The following ALG8 variants were observed in gnomAD, a reference collection of about 807,000 sequenced individuals.
The protein encoded by ALG8 is ALG8 alpha-1,3-glucosyltransferase.
In ALG8, 48 loss-of-function variants were observed where a neutral mutation model predicts 70.2. The observed-to-expected ratio is 0.68, with a 90% confidence interval of 0.54 to 0.87. ALG8 has a LOEUF of 0.87. ALG8 is among the 40% of genes least tolerant of loss of function. ALG8 has a pLI of 0.00. For missense variants in ALG8, 572 were observed against 608.7 expected, an observed-to-expected ratio of 0.94 and a Z score of 0.64; for synonymous variants, 234 against 229.0, an observed-to-expected ratio of 1.02 and a Z score of -0.20.
chr11:78,125,611 CA>C (rs113215261), intron 2 of ALG8, among the ~76,000 whole-genome samples: 1,403 of 116,966 alleles, frequency 0.012, 15 homozygotes, highest in African/African-American at 0.029. Context: ...ACTAAAAATA[CA>C]AAAAAAAAAA....
chr11:78,117,871 A>G (rs7108563), intron 5 of ALG8, among the ~76,000 whole-genome samples: 33,007 of 151,680 alleles, frequency 0.22, 4,432 homozygotes, highest in African/African-American at 0.38. Flanking sequence ...TCAGGAGATC[A>G]AGACCATACT....
intron 3 of ALG8, among the ~76,000 whole-genome samples, chr11:78,122,718 A>T (rs1020299084): frequency 6.6e-6 from 1 of 152,126 alleles, no homozygotes; most frequent in Non-Finnish European, 1.5e-5. Context: ...TTGTGCTTGT[A>T]TACTCTTCCC....
chr11:78,110,478 C>T (rs1439668681), intron 8 of ALG8, among the ~76,000 whole-genome samples: 3 of 152,216 alleles, frequency 2.0e-5, no homozygotes, highest in Non-Finnish European at 2.9e-5. Flanking sequence ...AGGCCTGAGC[C>T]AACGTGCACA....
At position 78,109,499 on chromosome 11, in the gene ALG8, T is replaced by C; in HGVS notation, c.981A>G (p.Thr327=). The C allele has an allele frequency of 6.2e-7, 1 of 1,614,224 alleles. No individual in the cohort carries two copies. The highest frequency in any genetic ancestry group is 8.5e-7 in the Non-Finnish European group (1 of 1,180,022). ...CCAAGGGAGTCACTGAGGGAAGGAC[T>C]GTGTGTTGGAACTGCTGAACCAAAC... ...TSGLVQQFQH[T]VLPSVTPLAT... is the part of the protein sequence containing the mutation. The change falls in exon 9 of 13, where the codon ACA becomes ACG. Residue 327 remains threonine, a synonymous_variant. Transcript: ENST00000299626.
In ALG8 at chr11:78,113,920, A is replaced by G. The variant is rs747369737; in HGVS notation, c.743T>C (p.Val248Ala). ...GAAAGGACCCAATGAAAGAGCAGAA[A>G]CTAAGAAAACAACCAGTCCCAGGGA... is the stretch of plus-strand genomic sequence containing the variant. ...VISLGLVVFLVSALSLGPFLA... is the reference protein window; with the variant it reads ...VISLGLVVFLASALSLGPFLA... The change falls in exon 7 of 13, where the codon GTT becomes GCT. Residue 248 changes from valine (V) to alanine (A), a missense_variant. Physicochemically the swap from Val to Ala is moderately conservative, Grantham distance 64. Coordinates refer to ENST00000299626, the MANE Select transcript of ALG8 (RefSeq NM_024079.5). 4 of 1,606,698 alleles carry G rather than the reference A, an allele frequency of 2.5e-6. No individual in the cohort carries two copies. In the Admixed American group the frequency reaches 6.8e-5, roughly 27 times the overall value.
At position 78,121,181 on chromosome 11, in the gene ALG8, T is replaced by G; in HGVS notation, c.369-7A>C. On this transcript the variant is annotated splice_region_variant and splice_polypyrimidine_tract_variant and intron_variant, in intron 3 of 12. Coordinates refer to ENST00000299626, the MANE Select transcript of ALG8 (RefSeq NM_024079.5). ...ATCAATGCATTTACAGCACCTACAT[T>G]GAAACATTAGGAAAGAAACAGAAAC... 6.3e-7 allele frequency: 1 copy of G among 1,596,668 alleles called. No individual in the cohort carries two copies. Among genetic ancestry groups the G allele is most frequent in the Non-Finnish European group, 8.6e-7 (1 of 1,164,790 alleles).
Position 78,116,965 on chromosome 11 carries a change from T to G in ALG8, c.546+2217A>C, listed in dbSNP as rs575107121. 2.6e-5 allele frequency among the ~76,000 whole-genome samples: 4 copies of G among 152,294 alleles called. No homozygotes were observed. In the South Asian group the frequency reaches 8.3e-4, roughly 32 times the overall value. ...AAGATCTGGGTAAGGTCTAGCTGAT[T>G]CCATAGTCAAATTTTATTTGTTCAA... is the stretch of plus-strand genomic sequence containing the variant. On this transcript the variant is annotated intron_variant, in intron 5 of 12. Transcript: ENST00000299626.
intron 1 of ALG8, among the ~76,000 whole-genome samples, chr11:78,130,002 C>CA (rs1228722541): frequency 1.3e-5 from 2 of 151,480 alleles, no homozygotes; most frequent in East Asian, 1.9e-4. Context: ...CAAAAACAAA[C>CA]AAAAAAAACC....
Position 78,107,377 on chromosome 11 carries a change from C to T in ALG8, c.1039-431G>A, listed in dbSNP as rs530445418. On this transcript the variant is annotated intron_variant, in intron 9 of 12. Coordinates refer to ENST00000299626, the MANE Select transcript of ALG8 (RefSeq NM_024079.5). ...CTGGGATTACAGGTGCCTGCCACCA[C>T]GCCCAGCTAATTTTTGTATTTTTAA... is the stretch of plus-strand genomic sequence containing the variant. Among the ~76,000 whole-genome samples the T allele has an allele frequency of 2.0e-3, 293 of 148,072 alleles. 2 individuals carry two copies. The highest frequency in any genetic ancestry group is 6.9e-3 in the African/African-American group (284 of 41,098).
chr11:78,127,796 G>A (rs1015665305), intron 1 of ALG8, among the ~76,000 whole-genome samples: 7 of 146,842 alleles, frequency 4.8e-5, no homozygotes, highest in Non-Finnish European at 8.9e-5. Context: ...TGCAACTGCC[G>A]CCCCCCGGGT....
rs1555069853 is a variant in ALG8, at chr11:78,114,388, C to T, written c.551G>A (p.Arg184Lys). Residue 184 changes from arginine to lysine, a missense_variant, in exon 6 of 13, where the codon AGG (arginine) becomes AAG (lysine). Coordinates refer to ENST00000299626, the MANE Select transcript of ALG8 (RefSeq NM_024079.5). Reference protein sequence around the residue: ...LLSIARLFQKRHMEGAFLFAV... With the variant: ...LLSIARLFQKKHMEGAFLFAV... Reference sequence around the variant, plus strand: ...AAAGAGAAATGCTCCTTCCATATGCCTTTTCTAGGAGATTTAAAAGGGAAA... The same window carrying T: ...AAAGAGAAATGCTCCTTCCATATGCTTTTTCTAGGAGATTTAAAAGGGAAA... 2 of 1,613,840 alleles carry T rather than the reference C, an allele frequency of 1.2e-6. No homozygotes were observed. Among genetic ancestry groups the T allele is most frequent in the Non-Finnish European group, 8.5e-7 (1 of 1,179,944 alleles).
intron 9 of ALG8, 40 bp downstream of exon 9, chr11:78,109,402 A>T: frequency 1.2e-6 from 2 of 1,613,670 alleles, no homozygotes; most frequent in Non-Finnish European, 1.7e-6. Context: ...AGAAAAGCAG[A>T]GAAAACTCAA....
At chr11:78,115,218 G>C (rs1860503001) in intron 5 of ALG8, among the ~76,000 whole-genome samples, 1 of 151,992 alleles carries the variant, frequency 6.6e-6, no homozygotes. Flanking sequence ...TTTTTTAGTA[G>C]AGACAGGGTT....
Position 78,112,761 on chromosome 11 carries a change from G to C in ALG8, c.787C>G (p.Pro263Ala), listed in dbSNP as rs1399363778. The C allele has an allele frequency of 3.1e-6, 5 of 1,613,572 alleles. No individual in the cohort carries two copies. In the African/African-American group the frequency reaches 6.7e-5, roughly 22 times the overall value. ...LGPFLALNQL[P>A]QVFSRLFPFK... ...GGAAAGAGTCGGGAAAAGACTTGAGGCAGCTGATTCTGTTGAAAAGAGAAA... is the reference window on the plus strand; with the variant it reads ...GGAAAGAGTCGGGAAAAGACTTGAGCCAGCTGATTCTGTTGAAAAGAGAAA... Residue 263 changes from proline to alanine, a missense_variant, in exon 8 of 13, where the codon CCT becomes GCT. Pro to Ala is a conservative substitution (Grantham distance 27). Coordinates refer to ENST00000299626, the MANE Select transcript of ALG8 (RefSeq NM_024079.5).
At chr11:78,139,037 A>G (rs1861679496) in intron 1 of ALG8, 1 of 345,474 alleles carries the variant, frequency 2.9e-6, no homozygotes, top group Non-Finnish European at 5.6e-6. Context: ...AATAGCGCAC[A>G]GCCACTTAGT....
At chr11:78,119,335 C>T (rs902930868) in intron 4 of ALG8, 86 bp from the exon 5 acceptor site, 46 of 949,178 alleles carry the variant, frequency 4.8e-5, no homozygotes, top group Non-Finnish European at 7.6e-5. Flanking sequence ...ATTCCAAATG[C>T]TTTAATAGCA....
chr11:78,131,992 G>A (rs1456822203), intron 1 of ALG8, among the ~76,000 whole-genome samples: 1 of 152,088 alleles, frequency 6.6e-6, no homozygotes, highest in African/African-American at 2.4e-5. Flanking sequence ...GATATTTTTG[G>A]ATCTCGCTTA....
chr11:78,112,710 A>G lies in ALG8; in HGVS notation c.838T>C (p.Tyr280His), dbSNP rs1223056958. The change falls in exon 8 of 13, where the codon TAT becomes CAT. Residue 280 changes from tyrosine to histidine, a missense_variant. Physicochemically the swap from Tyr to His is moderately conservative, Grantham distance 83 (BLOSUM62 2). Transcript: ENST00000299626. ...AAAGCCCAGAAGTTTGGAGCCCAATATGCATGACAGAGGCCCCTCTTGAAA... is the reference window on the plus strand; with the variant it reads ...AAAGCCCAGAAGTTTGGAGCCCAATGTGCATGACAGAGGCCCCTCTTGAAA... ...FPFKRGLCHAYWAPNFWALYN... is the reference protein window; with the variant it reads ...FPFKRGLCHAHWAPNFWALYN... 6.2e-7 allele frequency: 1 copy of G among 1,614,118 alleles called. No individual in the cohort carries two copies.
At chr11:78,133,619 T>C (rs1861401244) in intron 1 of ALG8, 1 of 152,050 alleles carries the variant, frequency 6.6e-6, no homozygotes, top group African/African-American at 2.4e-5. Context: ...ATGTTTACAC[T>C]GGCCGGCCGC....
Sources: allele counts gnomAD v4.1 joint callset (sites outside exome capture counted in the v4.1 genomes callset), GRCh38; gene constraint gnomAD v4.1.1; transcripts MANE v1.5; gene names NCBI Gene and HGNC (gene_info 2026-07-23, HGNC 2026-07-21).